CD37: variants seen among roughly 807,000 people sequenced by gnomAD.
CD37 encodes leukocyte antigen CD37.
In CD37, 37 loss-of-function variants were observed where a neutral mutation model predicts 38.9. The ratio of observed to expected loss-of-function variants is 0.95; its 90% CI spans 0.73 to 1.25. The LOEUF (loss-of-function observed/expected upper bound fraction) is 1.25. Ranked by LOEUF, CD37 falls within the 50% of genes most tolerant of loss-of-function variation. CD37 has a pLI of 0.00. For missense variants in CD37, 351 were observed against 360.1 expected (o/e 0.97, Z 0.20); for synonymous variants, 146 against 150.1 (o/e 0.97, Z 0.20).
At position 49,338,924 on chromosome 19, in the gene CD37, C is replaced by T. The variant is rs772510731; in HGVS notation, c.672C>T (p.His224=). 25 of 1,612,520 alleles carry T rather than the reference C, an allele frequency of 1.6e-5. No individual in the cohort carries two copies. Among genetic ancestry groups the T allele is most frequent in the Non-Finnish European group, 2.1e-5 (25 of 1,178,770 alleles). The stretch of plus-strand genomic sequence containing the variant: ...TCTGCGCTGTCCCTGCAGAGAGCCA[C>T]ATCTACCGCGAGGTGGGCAGGGGTT... ...ADICAVPAES[H]IYREGCAQGL... Residue 224 remains histidine, a synonymous_variant, in exon 6 of 8, where the codon CAC becomes CAT. Transcript: ENST00000323906. This position sits in a 1 kb window ranked among gnomAD's most constrained non-coding sequence, Gnocchi z 5.0.
chr19:49,338,165 T>C lies in CD37; in HGVS notation c.447+136T>C, dbSNP rs115455286. ...CCCCAATCCCTCCCAGGCCCGACGC[T>C]CCCCACTCCCCAGATGACACAACTG... On this transcript the variant is annotated intron_variant, in intron 5 of 7. Transcript: ENST00000323906. This position sits in a 1 kb window ranked among gnomAD's most constrained non-coding sequence, Gnocchi z 5.0. The C allele has an allele frequency of 5.1e-3, 7,382 of 1,450,700 alleles. 161 individuals carry two copies. The African/African-American group carries it at 0.059, about 12-fold the overall frequency. The allele number at this position is 1,450,700 out of a possible 1,614,324, so 89.9% of individuals were successfully genotyped here.
chr19:49,337,623 T>G, intron 4 of CD37: 1 of 1,474,430 alleles, frequency 6.8e-7, no homozygotes, highest in Non-Finnish European at 9.0e-7. Flanking sequence ...AATAAATTAA[T>G]AGAAAGACAC....
At position 49,336,890 on chromosome 19, in the gene CD37, C is replaced by A; in HGVS notation, c.143-19C>A. On this transcript the variant is annotated intron_variant, in intron 2 of 7. Coordinates refer to ENST00000323906, the MANE Select transcript of CD37 (RefSeq NM_001774.3). Reference sequence around the variant, plus strand: ...AGCTGTGCCACACAGCTCATCATCACTCCCCTCACCTCTCCCAGGCTTGGC... The same window carrying A: ...AGCTGTGCCACACAGCTCATCATCAATCCCCTCACCTCTCCCAGGCTTGGC... The A allele has an allele frequency of 6.2e-7, 1 of 1,613,168 alleles. No individual in the cohort carries two copies. The highest frequency in any genetic ancestry group is 1.1e-5 in the South Asian group (1 of 90,962).
intron 2 of CD37, chr19:49,336,381 C>A (rs1970956309): frequency 6.3e-6 from 1 of 157,924 alleles, no homozygotes; most frequent in Non-Finnish European, 1.4e-5. Context: ...CATGGTGAAA[C>A]CCTGTCTCTA....
At chr19:49,336,868 T>TCCCA in intron 2 of CD37, 41 bp from the exon 3 acceptor site, 1 of 1,607,894 alleles carries the variant, frequency 6.2e-7, no homozygotes, top group Admixed American at 1.7e-5. Flanking sequence ...TGCCTGGAGC[T>TCCCA]GTGCCACACA....
chr19:49,335,592 T>G lies in CD37; in HGVS notation c.52T>G (p.Phe18Val). The change falls in exon 1 of 8, where the codon TTC becomes GTC. Residue 18 changes from phenylalanine (F) to valine (V), a missense_variant. By Grantham distance (50) the Phe-to-Val change is conservative. Coordinates refer to ENST00000323906, the MANE Select transcript of CD37 (RefSeq NM_001774.3). This position sits in a 1 kb window ranked among gnomAD's most constrained non-coding sequence, Gnocchi z 4.6. ...CCTCATCAAGTACTTCCTCTTCGTT[T>G]TCAACCTCTTCTTCTTCGTGAGTTG... ...LSLIKYFLFV[F>V]NLFFFVLGSL... The G allele has an allele frequency of 1.2e-6, 2 of 1,614,016 alleles. No individual in the cohort carries two copies. The highest frequency in any genetic ancestry group is 1.7e-6 in the Non-Finnish European group (2 of 1,179,908).
At chr19:49,337,437 G>A (rs1365911735) in intron 4 of CD37, among the ~76,000 whole-genome samples, 1 of 151,990 alleles carries the variant, frequency 6.6e-6, no homozygotes, top group Non-Finnish European at 1.5e-5. Flanking sequence ...GACCAGCCTG[G>A]GCAACATAGT....
Position 49,338,604 on chromosome 19 carries a change from C to T in CD37, c.448-96C>T. 1.1e-6 allele frequency: 1 copy of T among 878,952 alleles called. No individual in the cohort carries two copies. The highest frequency in any genetic ancestry group is 2.4e-5 in the East Asian group (1 of 41,136). The allele number at this position is 878,952 out of a possible 1,614,324, so 54.4% of individuals were successfully genotyped here. ...TCCACACCCACCACTTAGTCCCCTG[C>T]TCCCCGACCTGACCTCATACCCATC... On this transcript the variant is annotated intron_variant, in intron 5 of 7. Transcript: ENST00000323906. This position sits in a 1 kb window ranked among gnomAD's most constrained non-coding sequence, Gnocchi z 5.0.
At position 49,339,874 on chromosome 19, in the gene CD37, C is replaced by G; in HGVS notation, c.769-377C>G. On this transcript the variant is annotated intron_variant, in intron 7 of 7. Transcript: ENST00000323906. The surrounding 1 kb of genome is among the most constrained non-coding windows in gnomAD (Gnocchi z 4.5). ...ACCGCAGGGCAAGCTGCCCATGGCC[C>G]TGGGGCTCTGGCCGCTGTGGGTTCA... 1 of 1,342,430 alleles carries G rather than the reference C, an allele frequency of 7.4e-7. No individual in the cohort carries two copies. The highest frequency in any genetic ancestry group is 9.6e-7 in the Non-Finnish European group (1 of 1,041,524). The allele number at this position is 1,342,430 out of a possible 1,614,324, so 83.2% of individuals were successfully genotyped here.
intron 2 of CD37, chr19:49,336,048 C>A (rs1355984680): frequency 5.7e-6 from 3 of 526,240 alleles, no homozygotes; most frequent in African/African-American, 1.9e-5. Flanking sequence ...CCCCCACAAA[C>A]CTTCCCCTCG....
Position 49,339,821 on chromosome 19 carries a change from G to T in CD37, c.768+408G>T. ...CTGTGGGGTGGCTGGGGCATGGCGG[G>T]TGCCTGCCCCAACTGGGGAGACAAG... On this transcript the variant is annotated intron_variant, in intron 7 of 7. Transcript: ENST00000323906. The surrounding 1 kb of genome is among the most constrained non-coding windows in gnomAD (Gnocchi z 4.5). The T allele has an allele frequency of 7.4e-7, 1 of 1,344,840 alleles. No homozygotes were observed. Among genetic ancestry groups the T allele is most frequent in the Non-Finnish European group, 9.6e-7 (1 of 1,045,654 alleles). 83.3% of individuals were successfully genotyped at this position (1,344,840 alleles called of 1,614,324 possible).
chr19:49,336,149 A>G (rs766563504), intron 2 of CD37: 50 of 292,914 alleles, frequency 1.7e-4, no homozygotes, highest in Non-Finnish European at 3.0e-4. Context: ...GGAAAATAAT[A>G]ATGAAGTATG....
rs1971030731 is a variant in CD37, at chr19:49,338,145, A to G, written c.447+116A>G. 3 of 1,475,064 alleles carry G rather than the reference A, an allele frequency of 2.0e-6. No individual in the cohort carries two copies. Among genetic ancestry groups the G allele is most frequent in the Admixed American group, 4.8e-5 (2 of 41,390 alleles). The allele number at this position is 1,475,064 out of a possible 1,614,324, so 91.4% of individuals were successfully genotyped here. A position where few individuals can be genotyped will look rare whatever the true frequency, so the allele number is the denominator to read the frequency against. ...AGCTCTACGATCCTAACACACCCCA[A>G]TCCCTCCCAGGCCCGACGCTCCCCA... On this transcript the variant is annotated intron_variant, in intron 5 of 7. Coordinates refer to ENST00000323906, the MANE Select transcript of CD37 (RefSeq NM_001774.3). The surrounding 1 kb of genome is among the most constrained non-coding windows in gnomAD (Gnocchi z 5.0).
At position 49,340,298 on chromosome 19, in the gene CD37, C is replaced by T. The variant is rs779445350; in HGVS notation, c.816C>T (p.His272=). The T allele has an allele frequency of 7.4e-6, 12 of 1,613,818 alleles. No individual in the cohort carries two copies. The Admixed American group carries it at 2.0e-4, about 27-fold the overall frequency. Residue 272 remains histidine, a synonymous_variant, in exon 8 of 8, where the codon CAC becomes CAT. Coordinates refer to ENST00000323906, the MANE Select transcript of CD37 (RefSeq NM_001774.3). The part of the protein sequence containing the change: ...LSIFLCRNLD[H]VYNRLARYR ...TATTCCTGTGCAGAAACCTGGACCA[C>T]GTCTACAACCGGCTCGCTCGATACC...
In CD37 at chr19:49,339,292, C is replaced by T. The variant is rs781374238; in HGVS notation, c.685-38C>T. ...ACGCTGGGCCTGGGCTTGAGAGTCCCAGAAAGAATCCCTTTAACTTTTCCC... is the reference window on the plus strand; with the variant it reads ...ACGCTGGGCCTGGGCTTGAGAGTCCTAGAAAGAATCCCTTTAACTTTTCCC... On this transcript the variant is annotated intron_variant, in intron 6 of 7. Coordinates refer to ENST00000323906, the MANE Select transcript of CD37 (RefSeq NM_001774.3). This position sits in a 1 kb window ranked among gnomAD's most constrained non-coding sequence, Gnocchi z 4.5. The T allele has an allele frequency of 1.3e-5, 20 of 1,581,034 alleles. No homozygotes were observed. In the South Asian group the frequency reaches 2.1e-4, roughly 17 times the overall value.
chr19:49,337,212 G>A lies in CD37; in HGVS notation c.333G>A (p.Gln111=). The A allele has an allele frequency of 2.5e-6, 4 of 1,614,126 alleles. No individual in the cohort carries two copies. Among genetic ancestry groups the A allele is most frequent in the Non-Finnish European group, 3.4e-6 (4 of 1,180,014 alleles). The part of the protein sequence containing the change: ...QITLGILIST[Q]RAQLERSLRD... The stretch of plus-strand genomic sequence containing the variant: ...CCCTGGGAATCCTCATCTCCACTCA[G>A]CGGGCCCAGGTGAGCTTCCTGCAGT... Residue 111 remains glutamine (Q), a synonymous_variant, in exon 4 of 8, where the codon CAG becomes CAA. Coordinates refer to ENST00000323906, the MANE Select transcript of CD37 (RefSeq NM_001774.3).
chr19:49,336,081 C>A, intron 2 of CD37: 2 of 473,462 alleles, frequency 4.2e-6, no homozygotes, highest in Non-Finnish European at 7.6e-6. Flanking sequence ...AGAGGGGAAG[C>A]CCCTTGATGG....
chr19:49,337,926 T>C lies in CD37; in HGVS notation c.344T>C (p.Leu115Pro). ...CCAGCCTCACTGGTGGCCTCTCAGC[T>C]GGAGCGAAGCTTGCGGGACGTCGTA... ...GILISTQRAQ[L>P]ERSLRDVVEK... The change falls in exon 5 of 8, where the codon CTG becomes CCG. Residue 115 changes from leucine to proline, a missense_variant and splice_region_variant. Transcript: ENST00000323906. The C allele has an allele frequency of 6.2e-7, 1 of 1,614,014 alleles. No individual in the cohort carries two copies. Among genetic ancestry groups the C allele is most frequent in the Non-Finnish European group, 8.5e-7 (1 of 1,179,982 alleles).
At position 49,338,986 on chromosome 19, in the gene CD37, G is replaced by A. The variant is rs1971072995; in HGVS notation, c.684+50G>A. 7.1e-7 allele frequency: 1 copy of A among 1,409,666 alleles called. No homozygotes were observed. 87.3% of individuals were successfully genotyped at this position (1,409,666 alleles called of 1,614,324 possible). A position where few individuals can be genotyped will look rare whatever the true frequency, so the allele number is the denominator to read the frequency against. ...CCTGTCGAATGGGGCGGGGCCTGCG[G>A]GAGGGGGAGGGCTGTCAGTGAGTAG... On this transcript the variant is annotated intron_variant, in intron 6 of 7. Transcript: ENST00000323906. This position sits in a 1 kb window ranked among gnomAD's most constrained non-coding sequence, Gnocchi z 5.0.
Sources: gnomAD v4.1 joint callset for allele counts (sites outside exome capture counted in the v4.1 genomes callset) on GRCh38, gnomAD v4.1.1 for gene constraint, Gnocchi (gnomAD v3.1) non-coding constraint, MANE v1.5 for transcripts, NCBI Gene and HGNC (gene_info 2026-07-23, HGNC 2026-07-21) for gene names.